The following PRAG1 variants were observed in gnomAD, a reference collection of about 807,000 sequenced individuals.
PRAG1 encodes PEAK1 related, kinase-activating pseudokinase 1.
In PRAG1, 110 loss-of-function variants were observed where a neutral mutation model predicts 95.6. The observed-to-expected ratio is 1.15, with a 90% CI of 0.99 to 1.35. PRAG1 has a LOEUF of 1.35. Ranked by LOEUF, PRAG1 falls within the 40% of genes most tolerant of loss-of-function variation. The pLI is 0.00. For synonymous variants in PRAG1, 1,052 were observed against 819.4 expected (o/e 1.28, Z -4.85); for missense variants, 2,554 against 1,864.7 (o/e 1.37, Z -6.81).
intron 3 of PRAG1, among the ~76,000 whole-genome samples, chr8:8,356,225 C>T (rs1362515795): frequency 6.6e-6 from 1 of 152,178 alleles, no homozygotes; most frequent in Admixed American, 6.5e-5. Context: ...TGAGATATCA[C>T]CTAGCACTCA....
intron 3 of PRAG1, among the ~76,000 whole-genome samples, chr8:8,376,037 C>CACA (rs1800374828): frequency 6.6e-6 from 1 of 152,086 alleles, no homozygotes; most frequent in Admixed American, 6.6e-5. Flanking sequence ...AAGCAGGGAC[C>CACA]ACAAGTAGGT....
intron 4 of PRAG1, among the ~76,000 whole-genome samples, chr8:8,332,140 G>A (rs940643918): frequency 2.7e-4 from 41 of 150,484 alleles, no homozygotes; most frequent in African/African-American, 9.6e-4. Flanking sequence ...AGGGATACCT[G>A]GGCATTATCT....
chr8:8,351,679 C>T (rs1397841542), intron 3 of PRAG1, among the ~76,000 whole-genome samples: 1 of 152,166 alleles, frequency 6.6e-6, no homozygotes, highest in Non-Finnish European at 1.5e-5. Context: ...CAGGAGGTGA[C>T]ATATTCCTCA....
In PRAG1 at chr8:8,335,778, T is replaced by G. The variant is rs541805864; in HGVS notation, c.2320+3700A>C. On this transcript the variant is annotated intron_variant, in intron 4 of 5. Transcript: ENST00000615670. ...GCTGCCTTCTGACCAGTAGCTACTT[T>G]ACATCTTATCTTTCTTATTGTCTAT... Among the ~76,000 whole-genome samples the G allele has an allele frequency of 1.0e-3, 155 of 152,306 alleles. 1 individual carries two copies. Among genetic ancestry groups the G allele is most frequent in the South Asian group, 1.9e-3 (9 of 4,830 alleles).
chr8:8,377,012 G>T lies in PRAG1; in HGVS notation c.1397C>A (p.Pro466Gln), dbSNP rs758853141. Residue 466 changes from proline (P) to glutamine (Q), a missense_variant, in exon 3 of 6, where the codon CCA becomes CAA. Transcript: ENST00000615670. ...ASGWGRDSPD[P>Q]TPQVSATITV... Reference sequence around the variant, plus strand: ...GATGGTGGCTGACACCTGGGGAGTTGGGTCTGGGCTGTCCCGGCCCCAGCC... The same window carrying T: ...GATGGTGGCTGACACCTGGGGAGTTTGGTCTGGGCTGTCCCGGCCCCAGCC... The T allele has an allele frequency of 1.2e-6, 2 of 1,613,724 alleles. No homozygotes were observed. The highest frequency in any genetic ancestry group is 1.7e-6 in the Non-Finnish European group (2 of 1,179,964).
intron 3 of PRAG1, among the ~76,000 whole-genome samples, chr8:8,364,943 T>C (rs755702175): frequency 6.6e-6 from 1 of 152,162 alleles, no homozygotes; most frequent in African/African-American, 2.4e-5. Context: ...GGTCTGGAAA[T>C]TGTCTGTACA....
At chr8:8,379,797 G>A (rs1363917967) in intron 2 of PRAG1, among the ~76,000 whole-genome samples, 1 of 152,210 alleles carries the variant, frequency 6.6e-6, no homozygotes, top group Non-Finnish European at 1.5e-5. Flanking sequence ...GTTTGTAAAG[G>A]TTACCTGTGG....
chr8:8,339,434 G>A lies in PRAG1; in HGVS notation c.2320+44C>T, dbSNP rs748396372. The A allele has an allele frequency of 5.0e-6, 8 of 1,601,316 alleles. No homozygotes were observed. In the South Asian group the frequency reaches 7.7e-5, roughly 15 times the overall value. On this transcript the variant is annotated intron_variant, in intron 4 of 5. Coordinates refer to ENST00000615670, the MANE Select transcript of PRAG1 (RefSeq NM_001080826.3). ...AAGCAACGCAGGACTGGTCTTGAAG[G>A]TCCAGGAGAATCTAAGCCTCTCCGT...
Position 8,376,700 on chromosome 8 carries a change from A to C in PRAG1, c.1709T>G (p.Leu570Arg). 6.2e-7 allele frequency: 1 copy of C among 1,611,570 alleles called. No homozygotes were observed. Among genetic ancestry groups the C allele is most frequent in the Non-Finnish European group, 8.5e-7 (1 of 1,179,968 alleles). Residue 570 changes from leucine to arginine, a missense_variant, in exon 3 of 6, where the codon CTG (leucine) becomes CGG (arginine). Transcript: ENST00000615670. ...AGAGCTCCCATCACTAAGGTCAGCCAGCGGTGACACTGGGGGCCCTCCAGC... is the reference window on the plus strand; with the variant it reads ...AGAGCTCCCATCACTAAGGTCAGCCCGCGGTGACACTGGGGGCCCTCCAGC... ...PSAGGPPVSPLADLSDGSSGG... is the reference protein window; with the variant it reads ...PSAGGPPVSPRADLSDGSSGG...
At chr8:8,375,699 A>G (rs1343248843) in intron 3 of PRAG1, among the ~76,000 whole-genome samples, 1 of 152,114 alleles carries the variant, frequency 6.6e-6, no homozygotes, top group Non-Finnish European at 1.5e-5. Context: ...GTTATTATTT[A>G]AAGAAAATAG....
chr8:8,336,907 T>TC (rs1799002590), intron 4 of PRAG1, among the ~76,000 whole-genome samples: 17 of 23,508 alleles, frequency 7.2e-4, no homozygotes, highest in African/African-American at 3.9e-3. Context: ...CCACACCCCT[T>TC]TCCCCCCTCC....
rs776044243 is a variant in PRAG1, at chr8:8,377,436, G to A, written c.973C>T (p.Pro325Ser). ...GPTAHPSCLG[P>S]KKLSLTSEAA... Reference sequence around the variant, plus strand: ...TCCGAGGTGAGGGACAGTTTCTTGGGGCCCAGGCAGGATGGGTGGGCAGTG... The same window carrying A: ...TCCGAGGTGAGGGACAGTTTCTTGGAGCCCAGGCAGGATGGGTGGGCAGTG... The change falls in exon 3 of 6, where the codon CCC (proline) becomes TCC (serine). Residue 325 changes from proline (P) to serine (S), a missense_variant. Pro to Ser is a moderately conservative substitution (Grantham distance 74). Transcript: ENST00000615670. 3 of 1,556,904 alleles carry A rather than the reference G, an allele frequency of 1.9e-6. No homozygotes were observed. Among genetic ancestry groups the A allele is most frequent in the South Asian group, 2.5e-5 (2 of 80,902 alleles).
chr8:8,379,068 T>A (rs1800545442), intron 2 of PRAG1, among the ~76,000 whole-genome samples: 1 of 151,138 alleles, frequency 6.6e-6, no homozygotes, highest in East Asian at 1.9e-4. Context: ...GAGGGGTGGT[T>A]TCTGAACTGG....
intron 2 of PRAG1, among the ~76,000 whole-genome samples, chr8:8,381,097 T>G (rs1359010155): frequency 6.6e-6 from 1 of 152,132 alleles, no homozygotes; most frequent in Non-Finnish European, 1.5e-5. Flanking sequence ...TATTGCTACT[T>G]GTATATATAT....
rs1323296496 is a variant in PRAG1 at position 8,318,372 on chromosome 8, C to T, written c.4003G>A (p.Glu1335Lys). The change falls in exon 6 of 6, where the codon GAG becomes AAG. Residue 1335 changes from glutamate (E) to lysine (K), a missense_variant. By Grantham distance (56) the Glu-to-Lys change is moderately conservative. Transcript: ENST00000615670. This position sits in a 1 kb window ranked among gnomAD's most constrained non-coding sequence, Gnocchi z 4.2. ...GAGGTGCCCGGCTGCTGCACCAGCTCGCGCCGAGGCCCCCACAGCAGGCAC... is the reference window on the plus strand; with the variant it reads ...GAGGTGCCCGGCTGCTGCACCAGCTTGCGCCGAGGCCCCCACAGCAGGCAC... The part of the protein sequence containing the change: ...LQCLLWGPRR[E>K]LVQQPGTSEE... 6.2e-7 allele frequency: 1 copy of T among 1,613,502 alleles called. No individual in the cohort carries two copies. The highest frequency in any genetic ancestry group is 1.7e-5 in the Admixed American group (1 of 59,984).
At chr8:8,325,305 A>C (rs1235007010) in intron 5 of PRAG1, among the ~76,000 whole-genome samples, 2 of 152,162 alleles carry the variant, frequency 1.3e-5, no homozygotes, top group Non-Finnish European at 2.9e-5. Context: ...AAGAATTACC[A>C]TCCTCTGCAT....
chr8:8,371,299 C>T (rs1056226477), intron 3 of PRAG1, among the ~76,000 whole-genome samples: 1 of 151,720 alleles, frequency 6.6e-6, no homozygotes, highest in Non-Finnish European at 1.5e-5. Flanking sequence ...CTCGCTCTGT[C>T]GCCCAGGCTG....
At chr8:8,367,885 C>A (rs1299608069) in intron 3 of PRAG1, among the ~76,000 whole-genome samples, 1 of 152,194 alleles carries the variant, frequency 6.6e-6, no homozygotes, top group Non-Finnish European at 1.5e-5. Context: ...TCGTGATCCA[C>A]CTGCCTCAGC....
At position 8,328,186 on chromosome 8, in the gene PRAG1, A is replaced by G; in HGVS notation, c.2596T>C (p.Leu866=). ...GGATGGTGGCGGTTCCCGGGGCTCA[A>G]CGAATAGCTAAAGTGAGATTCGTCG... ...VHDESHFSYS[L]SPGNRHHPVF... Residue 866 remains leucine (L), a synonymous_variant, in exon 5 of 6, where the codon TTG becomes CTG. Coordinates refer to ENST00000615670, the MANE Select transcript of PRAG1 (RefSeq NM_001080826.3). 2 of 1,614,198 alleles carry G rather than the reference A, an allele frequency of 1.2e-6. No individual in the cohort carries two copies. The highest frequency in any genetic ancestry group is 1.1e-5 in the South Asian group (1 of 91,072).
Sources: allele counts gnomAD v4.1 joint callset (sites outside exome capture counted in the v4.1 genomes callset), GRCh38; gene constraint gnomAD v4.1.1; non-coding constraint Gnocchi (gnomAD v3.1); transcripts MANE v1.5; gene names NCBI Gene and HGNC (gene_info 2026-07-23, HGNC 2026-07-21).